ZNF106: variants seen among roughly 807,000 people sequenced by gnomAD.
The protein encoded by ZNF106 is SH3-domain binding protein 3.
A neutral mutation model predicts 195.1 loss-of-function variants in ZNF106; 67 were observed. That is an observed-to-expected ratio of 0.34 (90% CI 0.28 to 0.42). The LOEUF (loss-of-function observed/expected upper bound fraction) is 0.42. ZNF106 is among the 10% of genes least tolerant of loss of function. The pLI, the probability that ZNF106 is intolerant of heterozygous loss-of-function variation, is 1.00. For synonymous variants in ZNF106, 784 were observed against 818.6 expected (o/e 0.96, Z 0.72); for missense variants, 2,118 against 2,304.5 (o/e 0.92, Z 1.66).
At chr15:42,439,012 G>A in intron 11 of ZNF106, 21 bp downstream of exon 11, 1 of 1,586,900 alleles carries the variant, frequency 6.3e-7, no homozygotes, top group Non-Finnish European at 8.6e-7. Context: ...TGTTCTGACT[G>A]GACCAATACA....
intron 14 of ZNF106, 91 bp downstream of exon 14, chr15:42,435,293 A>C: frequency 6.5e-7 from 1 of 1,544,848 alleles, no homozygotes; most frequent in Non-Finnish European, 8.8e-7. Flanking sequence ...GGTGGGTAGA[A>C]TGAAGCGTCT....
chr15:42,454,733 T>TAA (rs572101867), intron 4 of ZNF106, among the ~76,000 whole-genome samples: 1 of 140,056 alleles, frequency 7.1e-6, no homozygotes, highest in African/African-American at 2.6e-5. Context: ...AAAATAAAAA[T>TAA]AAAAAAAAAA....
At position 42,416,240 on chromosome 15, in the gene ZNF106, C is replaced by CTGCAGGAACAAGCAG. The variant is rs1470626295; in HGVS notation, c.*1063_*1064insCTGCTTGTTCCTGCA. 1 of 152,186 alleles carries CTGCAGGAACAAGCAG rather than the reference C, an allele frequency of 6.6e-6. No individual in the cohort carries two copies. Among genetic ancestry groups the CTGCAGGAACAAGCAG allele is most frequent in the African/African-American group, 2.4e-5 (1 of 41,426 alleles). The allele number at this position is 152,186 out of a possible 1,614,324, so 9.4% of individuals were successfully genotyped here. ...GCAAAGAACTGTCTCAGAAACAAGT[C>CTGCAGGAACAAGCAG]TCTAGGAAGTCTGCTTGAGGTCCTG... is the stretch of plus-strand genomic sequence containing the variant. On this transcript the variant is annotated 3_prime_UTR_variant, in exon 22 of 22. Coordinates refer to ENST00000564754, the MANE Select transcript of ZNF106 (RefSeq NM_001366845.3).
intron 9 of ZNF106, among the ~76,000 whole-genome samples, chr15:42,443,932 C>G (rs1471485910): frequency 1.3e-5 from 2 of 151,566 alleles, no homozygotes; most frequent in South Asian, 4.2e-4. Flanking sequence ...CATGGCGAAC[C>G]CTGTAACCCT....
chr15:42,433,383 G>A (rs755851963), intron 14 of ZNF106, among the ~76,000 whole-genome samples: 1 of 151,958 alleles, frequency 6.6e-6, no homozygotes, highest in Non-Finnish European at 1.5e-5. Context: ...GGGATTACAG[G>A]CGTGAGCCAC....
chr15:42,419,344 G>A (rs1442711167), intron 20 of ZNF106, among the ~76,000 whole-genome samples: 3 of 151,886 alleles, frequency 2.0e-5, no homozygotes, highest in Non-Finnish European at 2.9e-5. Context: ...GGGTGACAGA[G>A]CGAGACTCTG....
intron 1 of ZNF106, 150 bp downstream of exon 1, chr15:42,490,830 G>A (rs955179215): frequency 6.6e-6 from 1 of 152,632 alleles, no homozygotes; most frequent in Non-Finnish European, 1.5e-5. Context: ...CCGGCTCTGG[G>A]AGAGTGGACC....
rs1244844205 is a variant in ZNF106 at position 42,429,616 on chromosome 15, T to A, written c.4882-1482A>T. On this transcript the variant is annotated intron_variant, in intron 14 of 21. Transcript: ENST00000564754. ...CAACCTTCTTTCATACCTAAAAGAG[T>A]CAGTCACTTAAATTATTCAATTTCT... 1.3e-5 allele frequency among the ~76,000 whole-genome samples: 2 copies of A among 151,754 alleles called. 1 individual carries two copies. Among genetic ancestry groups the A allele is most frequent in the African/African-American group, 4.9e-5 (2 of 41,154 alleles).
chr15:42,415,509 A>G lies in ZNF106; in HGVS notation c.*1795T>C. The G allele has an allele frequency of 2.2e-6, 1 of 455,102 alleles. No individual in the cohort carries two copies. The highest frequency in any genetic ancestry group is 4.4e-6 in the Non-Finnish European group (1 of 226,498). 28.2% of individuals were successfully genotyped at this position (455,102 alleles called of 1,614,324 possible). A position where few individuals can be genotyped will look rare whatever the true frequency, so the allele number is the denominator to read the frequency against. Reference sequence around the variant, plus strand: ...AAAGAACACATACTCAGTCTCACACACAATTTCTGGGGGCTCACAGACCCT... The same window carrying G: ...AAAGAACACATACTCAGTCTCACACGCAATTTCTGGGGGCTCACAGACCCT... On this transcript the variant is annotated 3_prime_UTR_variant, in exon 22 of 22. Transcript: ENST00000564754.
chr15:42,430,906 A>C (rs2055026988), intron 14 of ZNF106, among the ~76,000 whole-genome samples: 1 of 151,936 alleles, frequency 6.6e-6, no homozygotes, highest in African/African-American at 2.4e-5. Context: ...CAACATCCCA[A>C]AGCACTAGAA....
rs1425668655 is a variant in ZNF106, at chr15:42,451,476, T to C, written c.796A>G (p.Lys266Glu). Reference sequence around the variant, plus strand: ...TTTCTGTTTCTGCCTGGTTGAAATTTGTCTCCAGGGCCACTGTAATTCCAA... The same window carrying C: ...TTTCTGTTTCTGCCTGGTTGAAATTCGTCTCCAGGGCCACTGTAATTCCAA... ...NNWNYSGPGD[K>E]FQPGRNRNSN... The change falls in exon 5 of 22, where the codon AAA becomes GAA. Residue 266 changes from lysine (K) to glutamate (E), a missense_variant. Physicochemically the swap from Lys to Glu is moderately conservative, Grantham distance 56. Coordinates refer to ENST00000564754, the MANE Select transcript of ZNF106 (RefSeq NM_001366845.3). 6.2e-7 allele frequency: 1 copy of C among 1,614,228 alleles called. No individual in the cohort carries two copies. Among genetic ancestry groups the C allele is most frequent in the Non-Finnish European group, 8.5e-7 (1 of 1,180,042 alleles).
chr15:42,463,721 G>A (rs2056448457), intron 3 of ZNF106, among the ~76,000 whole-genome samples: 1 of 152,010 alleles, frequency 6.6e-6, no homozygotes, highest in South Asian at 2.1e-4. Context: ...GATTGTTTGA[G>A]CCCAGGAGTT....
rs34983340 is a variant in ZNF106 at position 42,442,283 on chromosome 15, G to A, written c.3553C>T (p.Pro1185Ser). The change falls in exon 10 of 22, where the codon CCT becomes TCT. Residue 1185 changes from proline to serine, a missense_variant. Transcript: ENST00000564754. ...GATGGAGACACATGGGAAGATGGAG[G>A]CTCCAGAAAAAGTGGGAAAAAGGGA... The part of the protein sequence containing the change: ...PTPFFPLFLE[P>S]PSSHVSPSPT... 41 of 1,613,998 alleles carry A rather than the reference G, an allele frequency of 2.5e-5. No individual in the cohort carries two copies. The highest frequency in any genetic ancestry group is 1.3e-4 in the Admixed American group (8 of 59,988).
intron 3 of ZNF106, among the ~76,000 whole-genome samples, chr15:42,462,131 T>C (rs950696945): frequency 3.9e-5 from 6 of 152,334 alleles, no homozygotes; most frequent in Middle Eastern, 3.4e-3. Flanking sequence ...GGGAGGCTTT[T>C]AGTGCCTTTT....
chr15:42,424,692 C>G (rs993174013), intron 16 of ZNF106, 142 bp downstream of exon 16: 2 of 773,424 alleles, frequency 2.6e-6, no homozygotes, highest in Non-Finnish European at 4.0e-6. Flanking sequence ...GTTGCCCTGG[C>G]TGGTCTCGAA....
chr15:42,452,816 G>C (rs982131824), intron 4 of ZNF106, among the ~76,000 whole-genome samples: 1 of 150,454 alleles, frequency 6.6e-6, no homozygotes, highest in Non-Finnish European at 1.5e-5. Flanking sequence ...CTCCCGACTA[G>C]CTGGGATTAC....
rs142267060 is a variant in ZNF106 at position 42,484,047 on chromosome 15, C to T, written c.-33+6933G>A. Reference sequence around the variant, plus strand: ...AGCAGCAATTCTCAATCACATCAGACCCAACTTTTTTCCTAAAACATATCA... The same window carrying T: ...AGCAGCAATTCTCAATCACATCAGATCCAACTTTTTTCCTAAAACATATCA... On this transcript the variant is annotated intron_variant, in intron 1 of 21. Coordinates refer to ENST00000564754, the MANE Select transcript of ZNF106 (RefSeq NM_001366845.3). Among the ~76,000 whole-genome samples, 18 of 152,236 alleles carry T rather than the reference C, an allele frequency of 1.2e-4. No individual in the cohort carries two copies. In the East Asian group the frequency reaches 3.1e-3, roughly 26 times the overall value.
chr15:42,479,708 G>T (rs2056860407), intron 1 of ZNF106, among the ~76,000 whole-genome samples: 1 of 151,936 alleles, frequency 6.6e-6, no homozygotes, highest in Non-Finnish European at 1.5e-5. Context: ...CTGGTGTGGT[G>T]GCAGGAGCCT....
At chr15:42,471,494 C>T (rs1375886094) in intron 2 of ZNF106, among the ~76,000 whole-genome samples, 1 of 152,130 alleles carries the variant, frequency 6.6e-6, no homozygotes, top group Non-Finnish European at 1.5e-5. Flanking sequence ...CTTTGACAGG[C>T]CCGAGGCAGG....
Sources: gnomAD v4.1 joint callset for allele counts (sites outside exome capture counted in the v4.1 genomes callset) on GRCh38, gnomAD v4.1.1 for gene constraint, MANE v1.5 for transcripts, NCBI Gene and HGNC (gene_info 2026-07-23, HGNC 2026-07-21) for gene names.